The following FSTL5 variants were observed in gnomAD, a reference collection of about 807,000 sequenced individuals.
The protein encoded by FSTL5 is follistatin like 5, also known as follistatin-related protein 5.
A neutral mutation model predicts 89.1 loss-of-function variants in FSTL5; 62 were observed. The ratio of observed to expected loss-of-function variants is 0.70; its 90% confidence interval spans 0.57 to 0.86. FSTL5 has a LOEUF of 0.86. FSTL5 is among the 40% of genes least tolerant of loss of function. FSTL5 has a pLI of 0.00. For synonymous variants in FSTL5, 383 were observed against 346.2 expected, an observed-to-expected ratio of 1.11 and a Z score of -1.18; for missense variants, 1,057 against 1,001.6, an observed-to-expected ratio of 1.06 and a Z score of -0.75.
At chr4:161,451,809 G>C (rs1733175336) in intron 15 of FSTL5, among the ~76,000 whole-genome samples, 1 of 152,166 alleles carries the variant, frequency 6.6e-6, no homozygotes, top group South Asian at 2.1e-4. Flanking sequence ...CAGCTAGTCT[G>C]GTTTAGGAAA....
intron 3 of FSTL5, among the ~76,000 whole-genome samples, chr4:161,946,112 G>A (rs1734727925): frequency 6.6e-6 from 1 of 152,142 alleles, no homozygotes. Context: ...TTTTTCCTAT[G>A]CAATATAAAG....
chr4:161,814,206 T>C (rs1032063417), intron 4 of FSTL5, among the ~76,000 whole-genome samples: 2 of 151,872 alleles, frequency 1.3e-5, no homozygotes, highest in Non-Finnish European at 2.9e-5. Context: ...AGAGAGAAAA[T>C]TAGCAAGTAC....
At chr4:162,147,946 A>C (rs1315944824) in intron 1 of FSTL5, among the ~76,000 whole-genome samples, 1 of 152,166 alleles carries the variant, frequency 6.6e-6, no homozygotes, top group African/African-American at 2.4e-5. Context: ...CAGAGGTTGC[A>C]GTGAACTGAG....
Position 162,029,989 on chromosome 4 carries a change from G to A in FSTL5, c.160+3636C>T, listed in dbSNP as rs1163705740. Among the ~76,000 whole-genome samples, 4 of 150,500 alleles carry A rather than the reference G, an allele frequency of 2.7e-5. No individual in the cohort carries two copies. The East Asian group carries it at 7.8e-4, about 29-fold the overall frequency. ...TGCAGGGGCATGATCTCAGCTCATT[G>A]CAAACTCCTTCTGGCTTCAAGCTAT... On this transcript the variant is annotated intron_variant, in intron 3 of 15. Transcript: ENST00000306100.
intron 3 of FSTL5, among the ~76,000 whole-genome samples, chr4:161,944,088 G>A (rs1209906767): frequency 6.6e-6 from 1 of 152,056 alleles, no homozygotes; most frequent in Non-Finnish European, 1.5e-5. Context: ...CAATGCCAAT[G>A]CTCAGCCTCC....
chr4:161,542,549 T>C lies in FSTL5; in HGVS notation c.1160A>G (p.Lys387Arg). 6.6e-7 allele frequency: 1 copy of C among 1,509,302 alleles called. No homozygotes were observed. The highest frequency in any genetic ancestry group is 8.9e-7 in the Non-Finnish European group (1 of 1,123,942). The allele number at this position is 1,509,302 out of a possible 1,614,324, so 93.5% of individuals were successfully genotyped here. ...NGIDITPKLS[K>R]QLTLQANGSE... ...AAAAGCACCTTGAAGCGTGAGTTGT[T>C]TGGAAAGCTTTGGTGTAATATCAAT... The change falls in exon 9 of 16, where the codon AAA becomes AGA. Residue 387 changes from lysine (K) to arginine (R), a missense_variant. This residue lies in a region of FSTL5 where 980 missense variants were observed against 903.2 expected (regional missense o/e 1.08). Transcript: ENST00000306100.
intron 3 of FSTL5, among the ~76,000 whole-genome samples, chr4:162,027,404 T>C (rs1268432267): frequency 2.0e-5 from 3 of 152,120 alleles, no homozygotes; most frequent in African/African-American, 7.2e-5. Context: ...TTATTCATGG[T>C]TTTATAGAAT....
At chr4:161,744,759 A>T (rs1335683451) in intron 6 of FSTL5, among the ~76,000 whole-genome samples, 1 of 152,140 alleles carries the variant, frequency 6.6e-6, no homozygotes, top group East Asian at 1.9e-4. Context: ...TTTCGGTTCA[A>T]ACTAACACTT....
At chr4:161,999,865 T>A (rs976652578) in intron 3 of FSTL5, among the ~76,000 whole-genome samples, 1 of 152,192 alleles carries the variant, frequency 6.6e-6, no homozygotes, top group African/African-American at 2.4e-5. Context: ...TCTAGTCTCT[T>A]CAAAAGTTAG....
intron 15 of FSTL5, among the ~76,000 whole-genome samples, chr4:161,441,191 C>T (rs1732749248): frequency 6.6e-6 from 1 of 152,102 alleles, no homozygotes; most frequent in African/African-American, 2.4e-5. Context: ...GATTGACAAA[C>T]AGACAAACAA....
At chr4:161,902,648 C>A (rs1341758957) in intron 4 of FSTL5, among the ~76,000 whole-genome samples, 1 of 151,990 alleles carries the variant, frequency 6.6e-6, no homozygotes, top group Non-Finnish European at 1.5e-5. Flanking sequence ...GAGATCGAGA[C>A]CATCCTGGCT....
chr4:161,880,561 A>G (rs1732595718), intron 4 of FSTL5, among the ~76,000 whole-genome samples: 1 of 152,148 alleles, frequency 6.6e-6, no homozygotes, highest in Non-Finnish European at 1.5e-5. Flanking sequence ...ACCTTGGACA[A>G]ATAAAAATGT....
At chr4:161,708,294 T>G (rs1211844941) in intron 6 of FSTL5, among the ~76,000 whole-genome samples, 3 of 151,748 alleles carry the variant, frequency 2.0e-5, no homozygotes, top group Non-Finnish European at 4.4e-5. Context: ...TCCGCTGCCC[T>G]GTCTCACTTC....
chr4:161,602,251 GAA>G (rs1491302987), intron 7 of FSTL5, among the ~76,000 whole-genome samples: 11 of 101,010 alleles, frequency 1.1e-4, no homozygotes, highest in African/African-American at 2.8e-4. Flanking sequence ...GAGAGGGAGA[GAA>G]AGAGAGAGAG....
At chr4:161,791,605 T>G (rs1194060928) in intron 4 of FSTL5, among the ~76,000 whole-genome samples, 1 of 152,148 alleles carries the variant, frequency 6.6e-6, no homozygotes, top group Non-Finnish European at 1.5e-5. Flanking sequence ...ACGCCGTGGG[T>G]CACAGTCTTT....
intron 2 of FSTL5, among the ~76,000 whole-genome samples, chr4:162,059,161 T>C (rs1738644924): frequency 6.6e-6 from 1 of 152,130 alleles, no homozygotes; most frequent in African/African-American, 2.4e-5. Context: ...TCAAAATAAG[T>C]TTGAGATAAC....
chr4:161,414,233 A>G (rs1442730213), intron 15 of FSTL5, among the ~76,000 whole-genome samples: 1 of 152,206 alleles, frequency 6.6e-6, no homozygotes, highest in African/African-American at 2.4e-5. Context: ...TTCTAACTCA[A>G]GATAACACTG....
At chr4:161,607,274 G>C (rs977311658) in intron 7 of FSTL5, among the ~76,000 whole-genome samples, 1 of 152,172 alleles carries the variant, frequency 6.6e-6, no homozygotes, top group Non-Finnish European at 1.5e-5. Context: ...TGTTATATAT[G>C]AGGAATATAT....
chr4:161,638,842 A>G (rs1735833125), intron 7 of FSTL5, among the ~76,000 whole-genome samples: 1 of 133,426 alleles, frequency 7.5e-6, no homozygotes, highest in Non-Finnish European at 1.6e-5. Context: ...GGCTGGTTCA[A>G]TATACGCAAA....
Sources: allele counts gnomAD v4.1 joint callset (sites outside exome capture counted in the v4.1 genomes callset), GRCh38; gene constraint gnomAD v4.1.1; regional missense constraint gnomAD v4.1.1; transcripts MANE v1.5; gene names NCBI Gene and HGNC (gene_info 2026-07-23, HGNC 2026-07-21).